The following EPHA3 variants were observed in gnomAD, a reference collection of about 807,000 sequenced individuals.
The protein encoded by EPHA3 is ephrin type-A receptor 3.
In EPHA3, 42 loss-of-function variants were observed where a neutral mutation model predicts 107.1. That is an observed-to-expected ratio of 0.39 (90% CI 0.31 to 0.51). EPHA3 has a LOEUF of 0.51. Ranked by LOEUF, EPHA3 falls within the 20% of genes least tolerant of loss-of-function variation. The pLI, the probability that EPHA3 is intolerant of heterozygous loss-of-function variation, is 0.78. For missense variants in EPHA3, 1,183 were observed against 1,211.2 expected, an observed-to-expected ratio of 0.98 and a Z score of 0.35; for synonymous variants, 461 against 424.8, an observed-to-expected ratio of 1.09 and a Z score of -1.05.
At chr3:89,401,601 T>C (rs1343403313) in intron 7 of EPHA3, among the ~76,000 whole-genome samples, 3 of 152,122 alleles carry the variant, frequency 2.0e-5, no homozygotes, top group South Asian at 2.1e-4. Context: ...CAGATTAACT[T>C]TTCTCAAAAT....
chr3:89,395,510 T>C (rs1162211167), intron 5 of EPHA3, among the ~76,000 whole-genome samples: 2 of 152,180 alleles, frequency 1.3e-5, no homozygotes, highest in African/African-American at 4.8e-5. Flanking sequence ...CTTTTTTTAA[T>C]ACATCAAATA....
chr3:89,424,591 T>C (rs1709420965), intron 11 of EPHA3, among the ~76,000 whole-genome samples: 1 of 151,420 alleles, frequency 6.6e-6, no homozygotes, highest in Non-Finnish European at 1.5e-5. Context: ...ACTCTGATAA[T>C]GACAGTCTTC....
chr3:89,116,201 C>A (rs1307900425), intron 1 of EPHA3, among the ~76,000 whole-genome samples: 2 of 152,086 alleles, frequency 1.3e-5, no homozygotes, highest in Non-Finnish European at 2.9e-5. Context: ...TTTCATCACC[C>A]TGGAAAGAAG....
chr3:89,380,958 G>A (rs1708491243), intron 5 of EPHA3, among the ~76,000 whole-genome samples: 1 of 151,512 alleles, frequency 6.6e-6, no homozygotes, highest in South Asian at 2.1e-4. Flanking sequence ...TTTAACCAAA[G>A]CTGCTATAGG....
chr3:89,373,497 C>A (rs1708346066), intron 5 of EPHA3, among the ~76,000 whole-genome samples: 1 of 151,800 alleles, frequency 6.6e-6, no homozygotes, highest in Admixed American at 6.6e-5. Context: ...TCAGAAAATT[C>A]TTTTAGCAGC....
At chr3:89,441,549 A>G (rs1709787578) in intron 13 of EPHA3, among the ~76,000 whole-genome samples, 1 of 152,224 alleles carries the variant, frequency 6.6e-6, no homozygotes. Context: ...AGCTTTTATA[A>G]TATTCTAAAT....
At chr3:89,352,902 C>CAAAAAAAAAAAAAAAAAAAA (rs1215369952) in intron 5 of EPHA3, among the ~76,000 whole-genome samples, 12 of 41,000 alleles carry the variant, frequency 2.9e-4, no homozygotes, top group African/African-American at 1.1e-3. Context: ...GACTCTGTCT[C>CAAAAAAAAAAAAAAAAAAAA]AAAAAAAAAA....
chr3:89,306,342 G>C (rs1230708424), intron 3 of EPHA3, among the ~76,000 whole-genome samples: 1 of 152,062 alleles, frequency 6.6e-6, no homozygotes, highest in Non-Finnish European at 1.5e-5. Context: ...CTTAGAGCAG[G>C]AAATTTAAGT....
At chr3:89,130,695 C>T (rs1371785038) in intron 2 of EPHA3, among the ~76,000 whole-genome samples, 1 of 149,948 alleles carries the variant, frequency 6.7e-6, no homozygotes, top group Admixed American at 6.7e-5. Context: ...AGCGCTGTGG[C>T]GCGATCTCGG....
intron 2 of EPHA3, among the ~76,000 whole-genome samples, chr3:89,154,285 T>A (rs555749203): frequency 4.0e-5 from 6 of 151,052 alleles, no homozygotes; most frequent in South Asian, 4.2e-4. Context: ...TTTTTTTTTT[T>A]ATTTTTATTT....
At chr3:89,163,745 A>C (rs147420975) in intron 2 of EPHA3, among the ~76,000 whole-genome samples, 1 of 152,276 alleles carries the variant, frequency 6.6e-6, no homozygotes, top group African/African-American at 2.4e-5. Context: ...GGCAGGTATA[A>C]ATGGAACACT....
intron 2 of EPHA3, among the ~76,000 whole-genome samples, chr3:89,154,310 G>A (rs1056542715): frequency 4.0e-5 from 6 of 149,980 alleles, no homozygotes; most frequent in African/African-American, 1.2e-4. Context: ...TTCTTTGGAC[G>A]CATAAAAAGG....
intron 13 of EPHA3, 43 bp from the exon 14 acceptor site, chr3:89,449,182 C>A (rs1709937668): frequency 6.5e-7 from 1 of 1,547,982 alleles, no homozygotes; most frequent in South Asian, 1.2e-5. Context: ...ATTATATGTT[C>A]TATGCATTGC....
chr3:89,221,472 T>G (rs1258695986), intron 3 of EPHA3, among the ~76,000 whole-genome samples: 1 of 152,224 alleles, frequency 6.6e-6, no homozygotes, highest in African/African-American at 2.4e-5. Context: ...GTAAACTCAC[T>G]GTTTTATTTA....
chr3:89,144,173 T>G (rs1196991054), intron 2 of EPHA3, among the ~76,000 whole-genome samples: 1 of 151,672 alleles, frequency 6.6e-6, no homozygotes, highest in East Asian at 1.9e-4. Context: ...ATTTTCACCA[T>G]TTCAATATCA....
chr3:89,443,486 G>A lies in EPHA3; in HGVS notation c.2347-5739G>A, dbSNP rs1709822587. On this transcript the variant is annotated intron_variant, in intron 13 of 16. Coordinates refer to ENST00000336596, the MANE Select transcript of EPHA3 (RefSeq NM_005233.6). ...ATGATTTAAGAAAATAAACTATTAT[G>A]TTTATATTGGCTCATTCACATTCAC... is the stretch of plus-strand genomic sequence containing the variant. Among the ~76,000 whole-genome samples the A allele has an allele frequency of 2.6e-5, 4 of 152,212 alleles. No individual in the cohort carries two copies. The South Asian group carries it at 6.2e-4, about 24-fold the overall frequency.
intron 2 of EPHA3, among the ~76,000 whole-genome samples, chr3:89,149,233 C>T (rs1474662075): frequency 6.6e-6 from 1 of 151,968 alleles, no homozygotes; most frequent in Non-Finnish European, 1.5e-5. Flanking sequence ...TTTTCTTAGT[C>T]TATAAATATT....
rs1248452143 is a variant in EPHA3, at chr3:89,369,979, A to T, written c.1307-25858A>T. Reference sequence around the variant, plus strand: ...CAGATACCATCTCACACCAATTAGAATGGCAATCATTAAAAAGTCAGGAAA... The same window carrying T: ...CAGATACCATCTCACACCAATTAGATTGGCAATCATTAAAAAGTCAGGAAA... On this transcript the variant is annotated intron_variant, in intron 5 of 16. Transcript: ENST00000336596. Among the ~76,000 whole-genome samples, 14 of 150,692 alleles carry T rather than the reference A, an allele frequency of 9.3e-5. 1 individual carries two copies.
intron 2 of EPHA3, among the ~76,000 whole-genome samples, chr3:89,143,698 C>T (rs1442697452): frequency 6.6e-6 from 1 of 151,704 alleles, no homozygotes; most frequent in East Asian, 1.9e-4. Context: ...CTGTGGTACA[C>T]TATCAAAGCT....
Sources: gnomAD v4.1 joint callset for allele counts (sites outside exome capture counted in the v4.1 genomes callset) on GRCh38, gnomAD v4.1.1 for gene constraint, MANE v1.5 for transcripts, NCBI Gene and HGNC (gene_info 2026-07-23, HGNC 2026-07-21) for gene names.